Variants in RDH12 observed in about 807,000 individuals in gnomAD.
The protein encoded by RDH12 is retinol dehydrogenase 12, also known as all-trans and 9-cis retinol dehydrogenase.
In RDH12, 21 loss-of-function variants were observed where a neutral mutation model predicts 34.0. The ratio of observed to expected loss-of-function variants is 0.62; its 90% CI spans 0.44 to 0.89. RDH12 has a LOEUF of 0.89. Among genes scored for constraint, RDH12 ranks in the 40% least tolerant of loss-of-function variants. The pLI is 0.00. For missense variants in RDH12, 394 were observed against 398.6 expected (o/e 0.99, Z 0.10); for synonymous variants, 198 against 169.9 (o/e 1.17, Z -1.29).
chr14:67,727,671 G>A lies in RDH12; in HGVS notation c.658+481G>A, dbSNP rs530383614. Reference sequence around the variant, plus strand: ...CTAATTTTGTATTTTTAGAAGAGACGAGCTTTCACCATGTTGTCCAGGTTG... The same window carrying A: ...CTAATTTTGTATTTTTAGAAGAGACAAGCTTTCACCATGTTGTCCAGGTTG... On this transcript the variant is annotated intron_variant, in intron 7 of 8. Transcript: ENST00000551171. 191 of 207,412 alleles carry A rather than the reference G, an allele frequency of 9.2e-4. 9 individuals carry two copies. The South Asian group carries it at 0.014, about 15-fold the overall frequency. The allele number at this position is 207,412 out of a possible 1,614,324, so 12.8% of individuals were successfully genotyped here. A position where few individuals can be genotyped will look rare whatever the true frequency, so the allele number is the denominator to read the frequency against.
intron 7 of RDH12, 123 bp downstream of exon 7, chr14:67,727,313 A>C (rs2038199543): frequency 2.5e-6 from 2 of 787,086 alleles, no homozygotes; most frequent in Non-Finnish European, 4.3e-6. Context: ...GACTAAGGAG[A>C]ATGAAATTAT....
chr14:67,724,034 C>G (rs12881994), intron 3 of RDH12, among the ~76,000 whole-genome samples: 2 of 152,150 alleles, frequency 1.3e-5, no homozygotes, highest in Admixed American at 6.5e-5. Context: ...TGCCACCCCC[C>G]ACAGAGTGCT....
intron 1 of RDH12, among the ~76,000 whole-genome samples, chr14:67,704,856 C>T (rs1415552065): frequency 6.6e-6 from 1 of 152,194 alleles, no homozygotes; most frequent in Non-Finnish European, 1.5e-5. Context: ...TAAACCAGAA[C>T]ATCAACCAAG....
chr14:67,724,635 C>G, intron 4 of RDH12, 44 bp downstream of exon 4: 2 of 1,403,000 alleles, frequency 1.4e-6, no homozygotes, highest in Non-Finnish European at 2.0e-6. Flanking sequence ...TGCCTCCCAC[C>G]CTTCTTCCCA....
At chr14:67,731,276 A>G (rs925296922) in intron 8 of RDH12, among the ~76,000 whole-genome samples, 3 of 130,214 alleles carry the variant, frequency 2.3e-5, no homozygotes, top group Admixed American at 9.7e-5. Flanking sequence ...GTGCAATGGC[A>G]TGATCTTGGC....
In RDH12 at chr14:67,724,542, C is replaced by T. The variant is rs140371232; in HGVS notation, c.138C>T (p.Gly46=). 1.0e-4 allele frequency: 168 copies of T among 1,613,840 alleles called. No homozygotes were observed. The highest frequency in any genetic ancestry group is 9.3e-4 in the South Asian group (85 of 91,056). The change falls in exon 4 of 9, where the codon GGC becomes GGT. Residue 46 remains glycine (G), a synonymous_variant. Coordinates refer to ENST00000551171, the MANE Select transcript of RDH12 (RefSeq NM_152443.3). ...CTGGCAAGGTAGTGGTGATCACTGG[C>T]GCCAACACGGGCATTGGCAAGGAGA... ...QLPGKVVVIT[G]ANTGIGKETA... is the part of the protein sequence containing the mutation.
chr14:67,722,366 C>G, intron 2 of RDH12, 58 bp from the exon 3 acceptor site: 1 of 546,346 alleles, frequency 1.8e-6, no homozygotes, highest in Admixed American at 3.1e-5. Flanking sequence ...TCCCCACATT[C>G]TCTTTGCCAG....
At chr14:67,724,962 G>C in intron 4 of RDH12, 137 bp from the exon 5 acceptor site, 1 of 1,026,704 alleles carries the variant, frequency 9.7e-7, no homozygotes, top group South Asian at 1.3e-5. Flanking sequence ...AAAGCCCGAA[G>C]TGGCAATATG....
At position 67,722,995 on chromosome 14, in the gene RDH12, A is replaced by G. The variant is rs551430008; in HGVS notation, c.68+285A>G. On this transcript the variant is annotated intron_variant, in intron 3 of 8. Coordinates refer to ENST00000551171, the MANE Select transcript of RDH12 (RefSeq NM_152443.3). ...GATGACTCTGTCAAGTAGCTCAACA[A>G]ACACCTTAGGTGGGAGTCCTTGCGT... 1.8e-4 allele frequency among the ~76,000 whole-genome samples: 27 copies of G among 152,286 alleles called. No homozygotes were observed. The South Asian group carries it at 4.8e-3, about 27-fold the overall frequency.
intron 8 of RDH12, among the ~76,000 whole-genome samples, chr14:67,730,322 T>C (rs559477016): frequency 6.9e-4 from 105 of 152,318 alleles, no homozygotes; most frequent in Middle Eastern, 6.8e-3. Flanking sequence ...CATGTTGCTA[T>C]TGAGCACTTG....
At chr14:67,708,975 T>C (rs2037981344) in intron 1 of RDH12, among the ~76,000 whole-genome samples, 1 of 152,130 alleles carries the variant, frequency 6.6e-6, no homozygotes, top group Non-Finnish European at 1.5e-5. Context: ...GTATTTTTAG[T>C]AAAGATGGGG....
At chr14:67,723,525 G>A (rs1271674277) in intron 3 of RDH12, among the ~76,000 whole-genome samples, 3 of 152,162 alleles carry the variant, frequency 2.0e-5, no homozygotes, top group Non-Finnish European at 4.4e-5. Flanking sequence ...ATGAGCCACT[G>A]GGCTCAGCCT....
At position 67,726,036 on chromosome 14, in the gene RDH12, G is replaced by A; in HGVS notation, c.344-15G>A. On this transcript the variant is annotated splice_polypyrimidine_tract_variant and intron_variant, in intron 5 of 8. Coordinates refer to ENST00000551171, the MANE Select transcript of RDH12 (RefSeq NM_152443.3). ...TCCTTGCTAACCATAGGATCTCTTT[G>A]GTTGTGCCCTATAGAGGAAAAGCAG... 1 of 1,573,982 alleles carries A rather than the reference G, an allele frequency of 6.4e-7. No homozygotes were observed. The highest frequency in any genetic ancestry group is 8.7e-7 in the Non-Finnish European group (1 of 1,143,484).
intron 1 of RDH12, among the ~76,000 whole-genome samples, chr14:67,703,544 C>T (rs1484307097): frequency 6.6e-6 from 1 of 152,168 alleles, no homozygotes; most frequent in Non-Finnish European, 1.5e-5. Context: ...AGACAGAGAA[C>T]TTAGACGATC....
chr14:67,733,680 G>C (rs961696799), intron 8 of RDH12, 66 bp from the exon 9 acceptor site: 9 of 1,021,038 alleles, frequency 8.8e-6, no homozygotes, highest in Non-Finnish European at 1.4e-5. Flanking sequence ...CTGAGAAAGG[G>C]ACCATAAAGA....
At chr14:67,713,719 A>G (rs28817410) in intron 1 of RDH12, among the ~76,000 whole-genome samples, 9,878 of 152,286 alleles carry the variant, frequency 0.065, 1,021 homozygotes, top group African/African-American at 0.22. Context: ...ACACAGCCTC[A>G]GGAGGTCCTG....
chr14:67,713,786 C>T (rs915924793), intron 1 of RDH12, among the ~76,000 whole-genome samples: 1 of 152,104 alleles, frequency 6.6e-6, no homozygotes, highest in Non-Finnish European at 1.5e-5. Flanking sequence ...TCTAGGGATA[C>T]GTGAGACATC....
intron 2 of RDH12, among the ~76,000 whole-genome samples, chr14:67,721,808 C>T (rs1348377037): frequency 1.3e-5 from 2 of 150,834 alleles, no homozygotes; most frequent in Non-Finnish European, 1.5e-5. Flanking sequence ...TATATATAAT[C>T]ATACCCATTG....
intron 1 of RDH12, among the ~76,000 whole-genome samples, chr14:67,715,977 C>G (rs1354536649): frequency 6.6e-6 from 1 of 152,072 alleles, no homozygotes; most frequent in African/African-American, 2.4e-5. Context: ...GGGCGGATCA[C>G]GAGGTCAAGA....
Sources: gnomAD v4.1 joint callset for allele counts (sites outside exome capture counted in the v4.1 genomes callset) on GRCh38, gnomAD v4.1.1 for gene constraint, MANE v1.5 for transcripts, NCBI Gene and HGNC (gene_info 2026-07-23, HGNC 2026-07-21) for gene names.